The following FAT4 variants were observed in gnomAD, a reference collection of about 807,000 sequenced individuals.
FAT4 encodes the protein FAT atypical cadherin 4, also known as protocadherin Fat 4.
Under a neutral mutation model 303.9 loss-of-function variants are expected in FAT4, and 84 were observed. The observed-to-expected ratio is 0.28, with a 90% CI of 0.23 to 0.33. The LOEUF (loss-of-function observed/expected upper bound fraction) is 0.33, where lower values mean the gene tolerates loss of function less well. FAT4 is among the 10% of genes least tolerant of loss of function. The probability of loss-of-function intolerance (pLI) is 1.00; values close to 1 mark genes in which losing one functional copy is unlikely to be tolerated. For synonymous variants in FAT4, 2,307 were observed against 2,298.8 expected (o/e 1.00, Z -0.10); for missense variants, 6,005 against 6,146.8 (o/e 0.98, Z 0.77).
chr4:125,466,805 C>T (rs1726679222), intron 11 of FAT4, among the ~76,000 whole-genome samples: 1 of 145,800 alleles, frequency 6.9e-6, no homozygotes, highest in Non-Finnish European at 1.5e-5. Context: ...GACGGAGTCT[C>T]GCTCTGTCGC....
At chr4:125,389,343 T>G (rs1158543240) in intron 2 of FAT4, among the ~76,000 whole-genome samples, 1 of 152,272 alleles carries the variant, frequency 6.6e-6, no homozygotes, top group South Asian at 2.1e-4. Flanking sequence ...TTATATCATG[T>G]TTCTTGTACT....
rs1430023931 is a variant in FAT4, at chr4:125,408,659, A to G, written c.5785A>G (p.Arg1929Gly). ...EDGGGQFTTI[R>G]VYFNILDVND... ...TGGTGGGGGACAATTTACTACCATC[A>G]GAGTTTATTTCAATATTCTAGATGT... Residue 1929 changes from arginine to glycine, a missense_variant, in exon 5 of 18, where the codon AGA becomes GGA. Physicochemically the swap from Arg to Gly is moderately radical, Grantham distance 125. Transcript: ENST00000394329. The G allele has an allele frequency of 1.2e-6, 2 of 1,610,318 alleles. No individual in the cohort carries two copies. The highest frequency in any genetic ancestry group is 8.5e-7 in the Non-Finnish European group (1 of 1,176,816).
chr4:125,412,702 C>G lies in FAT4; in HGVS notation c.5921-2182C>G, dbSNP rs1383728816. 3.9e-5 allele frequency among the ~76,000 whole-genome samples: 6 copies of G among 151,958 alleles called. No individual in the cohort carries two copies. In the East Asian group the frequency reaches 1.2e-3, roughly 29 times the overall value. On this transcript the variant is annotated intron_variant, in intron 5 of 17. Transcript: ENST00000394329. Reference sequence around the variant, plus strand: ...ATGATGGACTAAGGATGATCAGATACTTGATTTAATTGCTCCCATTCCTGT... The same window carrying G: ...ATGATGGACTAAGGATGATCAGATAGTTGATTTAATTGCTCCCATTCCTGT...
intron 11 of FAT4, among the ~76,000 whole-genome samples, chr4:125,466,773 A>AT (rs1157376315): frequency 6.8e-6 from 1 of 147,974 alleles, no homozygotes; most frequent in Non-Finnish European, 1.5e-5. Flanking sequence ...ATTATGTATA[A>AT]TTTCTTTTTT....
In FAT4 at chr4:125,315,459, C is replaced by T. The variant is rs1334054478; in HGVS notation, c.-531C>T. On this transcript the variant is annotated 5_prime_UTR_variant, in exon 1 of 18. Transcript: ENST00000394329. ...GCCGCCGGAGAACGACCCCCCCTGG[C>T]ATGGTGAGGGGAGGGCGACTCGGGG... is the stretch of plus-strand genomic sequence containing the variant. Among the ~76,000 whole-genome samples, 1 of 152,168 alleles carries T rather than the reference C, an allele frequency of 6.6e-6. No individual in the cohort carries two copies. Among genetic ancestry groups the T allele is most frequent in the Non-Finnish European group, 1.5e-5 (1 of 68,026 alleles).
chr4:125,414,478 T>G (rs1734962017), intron 5 of FAT4, among the ~76,000 whole-genome samples: 1 of 152,178 alleles, frequency 6.6e-6, no homozygotes, highest in African/African-American at 2.4e-5. Context: ...AGAAGTACAC[T>G]TACAGCATTC....
At chr4:125,364,668 T>C (rs1015517502) in intron 2 of FAT4, among the ~76,000 whole-genome samples, 5 of 151,980 alleles carry the variant, frequency 3.3e-5, no homozygotes, top group Middle Eastern at 3.4e-3. Context: ...ATAAATGCCA[T>C]GAGCTGGAAA....
chr4:125,337,344 A>G (rs1414821626), intron 2 of FAT4, among the ~76,000 whole-genome samples: 2 of 152,120 alleles, frequency 1.3e-5, no homozygotes, highest in Admixed American at 6.5e-5. Flanking sequence ...TCACATTAAA[A>G]GGAAAAGCAT....
intron 2 of FAT4, among the ~76,000 whole-genome samples, chr4:125,388,480 C>T (rs1280166137): frequency 6.6e-6 from 1 of 152,084 alleles, no homozygotes; most frequent in Non-Finnish European, 1.5e-5. Context: ...GTGTCTACCA[C>T]ATTCAGATTA....
Position 125,451,349 on chromosome 4 carries a change from G to A in FAT4, c.10339G>A (p.Gly3447Arg), listed in dbSNP as rs751776479. ...PSWSRFSYFI[G>R]SGNENGAFSI... Reference sequence around the variant, plus strand: ...CTGGAGCAGGTTTTCTTACTTCATCGGATCAGGGAATGAAAATGGTGCCTT... The same window carrying A: ...CTGGAGCAGGTTTTCTTACTTCATCAGATCAGGGAATGAAAATGGTGCCTT... The change falls in exon 10 of 18, where the codon GGA becomes AGA. Residue 3447 changes from glycine (G) to arginine (R), a missense_variant. By Grantham distance (125) the Gly-to-Arg change is moderately radical. Coordinates refer to ENST00000394329, the MANE Select transcript of FAT4 (RefSeq NM_001291303.3). 15 of 1,614,042 alleles carry A rather than the reference G, an allele frequency of 9.3e-6. No homozygotes were observed. The Middle Eastern group carries it at 4.9e-4, about 53-fold the overall frequency.
rs997491070 is a variant in FAT4, at chr4:125,382,814, A to T, written c.5176-15970A>T. Among the ~76,000 whole-genome samples the T allele has an allele frequency of 1.1e-4, 17 of 152,344 alleles. 2 individuals are homozygous for T. Among genetic ancestry groups the T allele is most frequent in the Admixed American group, 3.3e-4 (5 of 15,310 alleles). On this transcript the variant is annotated intron_variant, in intron 2 of 17. Transcript: ENST00000394329. ...TTTAATGAAGCCACCTTTATCAATT[A>T]TCTTTGCTAGATCTTCTGGATATCT...
chr4:125,406,808 T>A lies in FAT4; in HGVS notation c.5308-72T>A. ...AAAAAGCCTTCCTTTGTCAAATACATGTTCAAAAGAAAATATAAGGAGCAA... is the reference window on the plus strand; with the variant it reads ...AAAAAGCCTTCCTTTGTCAAATACAAGTTCAAAAGAAAATATAAGGAGCAA... On this transcript the variant is annotated intron_variant, in intron 3 of 17. Coordinates refer to ENST00000394329, the MANE Select transcript of FAT4 (RefSeq NM_001291303.3). 2.0e-6 allele frequency: 3 copies of A among 1,515,670 alleles called. No individual in the cohort carries two copies. In the South Asian group the frequency reaches 3.9e-5, roughly 20 times the overall value. 93.9% of individuals were successfully genotyped at this position (1,515,670 alleles called of 1,614,324 possible). A position where few individuals can be genotyped will look rare whatever the true frequency, so the allele number is the denominator to read the frequency against.
At chr4:125,455,600 C>T (rs1310249907) in intron 10 of FAT4, among the ~76,000 whole-genome samples, 1 of 152,178 alleles carries the variant, frequency 6.6e-6, no homozygotes, top group Non-Finnish European at 1.5e-5. Flanking sequence ...GATTAGACAA[C>T]TTGCCTCCAG....
At chr4:125,403,941 C>T (rs1213753120) in intron 3 of FAT4, among the ~76,000 whole-genome samples, 1 of 152,066 alleles carries the variant, frequency 6.6e-6, no homozygotes, top group Non-Finnish European at 1.5e-5. Context: ...CAGAGCAAGA[C>T]GGCCAGGATT....
At chr4:125,483,417 CAT>C (rs1357114272) in intron 16 of FAT4, among the ~76,000 whole-genome samples, 2 of 152,124 alleles carry the variant, frequency 1.3e-5, no homozygotes, top group Admixed American at 1.3e-4. Flanking sequence ...ATTTAAATGA[CAT>C]ATGAAATATT....
chr4:125,463,081 C>T (rs779880689), intron 10 of FAT4, among the ~76,000 whole-genome samples: 22 of 151,992 alleles, frequency 1.4e-4, no homozygotes, highest in Admixed American at 5.9e-4. Flanking sequence ...TGCTTTACAA[C>T]AGATATGTGT....
At chr4:125,335,188 G>A (rs535523615) in intron 2 of FAT4, among the ~76,000 whole-genome samples, 1 of 152,208 alleles carries the variant, frequency 6.6e-6, no homozygotes, top group South Asian at 2.1e-4. Flanking sequence ...GCTGATAGAG[G>A]TGTCTATTAT....
chr4:125,372,740 A>G (rs1279779589), intron 2 of FAT4, among the ~76,000 whole-genome samples: 1 of 152,212 alleles, frequency 6.6e-6, no homozygotes, highest in Non-Finnish European at 1.5e-5. Flanking sequence ...TATTAAACTG[A>G]TTTCAAAGTG....
intron 2 of FAT4, among the ~76,000 whole-genome samples, chr4:125,336,527 A>G (rs1731583421): frequency 6.6e-6 from 1 of 152,036 alleles, no homozygotes; most frequent in Non-Finnish European, 1.5e-5. Flanking sequence ...CAGAAGTGAG[A>G]CTTCAGAACA....
Sources: gnomAD v4.1 joint callset for allele counts (sites outside exome capture counted in the v4.1 genomes callset) on GRCh38, gnomAD v4.1.1 for gene constraint, MANE v1.5 for transcripts, NCBI Gene and HGNC (gene_info 2026-07-23, HGNC 2026-07-21) for gene names.